Variants in CSMD1 observed in about 807,000 individuals in gnomAD.
The protein encoded by CSMD1 is CUB and Sushi multiple domains 1, also known as CUB and sushi domain-containing protein 1.
Under a neutral mutation model 417.5 loss-of-function variants are expected in CSMD1, and 213 were observed. The ratio of observed to expected loss-of-function variants is 0.51; its 90% CI spans 0.46 to 0.57. The LOEUF (loss-of-function observed/expected upper bound fraction) is 0.57. Among genes scored for constraint, CSMD1 ranks in the 20% least tolerant of loss-of-function variants. The pLI is 0.00. For synonymous variants in CSMD1, 2,862 were observed against 1,736.8 expected, an observed-to-expected ratio of 1.65 and a Z score of -16.11; for missense variants, 6,923 against 4,529.7, an observed-to-expected ratio of 1.53 and a Z score of -15.17.
At chr8:4,280,808 T>C (rs907093659) in intron 3 of CSMD1, among the ~76,000 whole-genome samples, 1 of 152,218 alleles carries the variant, frequency 6.6e-6, no homozygotes, top group African/African-American at 2.4e-5. Flanking sequence ...GTTAAAATTT[T>C]CAAAAATGTA....
chr8:3,866,833 A>C (rs1475876089), intron 5 of CSMD1, among the ~76,000 whole-genome samples: 1 of 152,156 alleles, frequency 6.6e-6, no homozygotes, highest in Admixed American at 6.5e-5. Context: ...AATCGGTATT[A>C]ATCAACTAAA....
At chr8:4,257,616 G>T (rs1020905817) in intron 3 of CSMD1, among the ~76,000 whole-genome samples, 2 of 152,144 alleles carry the variant, frequency 1.3e-5, no homozygotes, top group Non-Finnish European at 2.9e-5. Context: ...TTGGTGAAAA[G>T]TTTGTCCTAC....
intron 3 of CSMD1, among the ~76,000 whole-genome samples, chr8:4,409,137 T>C (rs375794393): frequency 3.9e-5 from 6 of 152,346 alleles, no homozygotes; most frequent in Admixed American, 6.5e-5. Flanking sequence ...ATATTTAATG[T>C]ACTATACCTG....
intron 5 of CSMD1, among the ~76,000 whole-genome samples, chr8:3,891,864 A>T (rs1437633850): frequency 2.0e-5 from 3 of 152,148 alleles, no homozygotes; most frequent in Admixed American, 6.5e-5. Context: ...TGCCCAAAAA[A>T]AGGCTAGTTA....
intron 53 of CSMD1, among the ~76,000 whole-genome samples, chr8:2,998,393 T>C (rs1807102137): frequency 6.6e-6 from 1 of 152,216 alleles, no homozygotes; most frequent in Non-Finnish European, 1.5e-5. Context: ...AATATAATTG[T>C]GGAAAATAAC....
At chr8:3,811,481 A>C (rs952698556) in intron 5 of CSMD1, among the ~76,000 whole-genome samples, 1 of 152,126 alleles carries the variant, frequency 6.6e-6, no homozygotes, top group African/African-American at 2.4e-5. Context: ...GGTTTTTCCC[A>C]ACCGAGTGCC....
At chr8:4,822,681 A>G (rs1041243461) in intron 1 of CSMD1, among the ~76,000 whole-genome samples, 1 of 152,164 alleles carries the variant, frequency 6.6e-6, no homozygotes, top group Non-Finnish European at 1.5e-5. Context: ...TTAAAATATA[A>G]TTAGCCATAT....
chr8:4,668,042 C>T (rs1354360872), intron 1 of CSMD1, among the ~76,000 whole-genome samples: 1 of 152,212 alleles, frequency 6.6e-6, no homozygotes, highest in African/African-American at 2.4e-5. Context: ...TACCTCATCT[C>T]TTATTTTGTA....
chr8:3,592,873 C>G (rs565081313), intron 8 of CSMD1, among the ~76,000 whole-genome samples: 4 of 152,038 alleles, frequency 2.6e-5, no homozygotes, highest in Non-Finnish European at 4.4e-5. Flanking sequence ...GGTAGGTTCT[C>G]CCACTTCCTG....
At chr8:4,285,751 G>C (rs1010743502) in intron 3 of CSMD1, among the ~76,000 whole-genome samples, 1 of 152,180 alleles carries the variant, frequency 6.6e-6, no homozygotes, top group Admixed American at 6.5e-5. Context: ...GAACTTCAGA[G>C]GTCAAAATAG....
chr8:4,005,844 G>A (rs1049039949), intron 4 of CSMD1, among the ~76,000 whole-genome samples: 2 of 152,206 alleles, frequency 1.3e-5, no homozygotes, highest in Non-Finnish European at 2.9e-5. Context: ...CATAAGCACT[G>A]TCTTTTAATT....
At chr8:3,631,724 C>G (rs1328736424) in intron 7 of CSMD1, among the ~76,000 whole-genome samples, 1 of 152,198 alleles carries the variant, frequency 6.6e-6, no homozygotes, top group Non-Finnish European at 1.5e-5. Flanking sequence ...TCGAGAAAAA[C>G]TCTCTGAGAA....
intron 2 of CSMD1, among the ~76,000 whole-genome samples, chr8:4,468,920 G>C (rs1377764514): frequency 6.7e-6 from 1 of 150,224 alleles, no homozygotes; most frequent in South Asian, 2.2e-4. Flanking sequence ...AGGAATGCTG[G>C]AAACAAGCTC....
chr8:3,666,629 G>C (rs1308318913), intron 7 of CSMD1, among the ~76,000 whole-genome samples: 1 of 152,132 alleles, frequency 6.6e-6, no homozygotes, highest in African/African-American at 2.4e-5. Flanking sequence ...GACCCAGAGG[G>C]AGATAATTGA....
intron 47 of CSMD1, among the ~76,000 whole-genome samples, chr8:3,092,272 A>C (rs1041960507): frequency 5.3e-5 from 8 of 152,192 alleles, no homozygotes; most frequent in Admixed American, 3.3e-4. Flanking sequence ...AACTAGATAT[A>C]CACATATCCA....
intron 3 of CSMD1, among the ~76,000 whole-genome samples, chr8:4,328,968 T>A (rs1472302208): frequency 6.6e-6 from 1 of 152,238 alleles, no homozygotes; most frequent in African/African-American, 2.4e-5. Context: ...AGAGTATCAC[T>A]CTTCTGTGAT....
intron 2 of CSMD1, among the ~76,000 whole-genome samples, chr8:4,528,756 C>A (rs1158610150): frequency 6.7e-6 from 1 of 150,346 alleles, no homozygotes; most frequent in Non-Finnish European, 1.5e-5. Flanking sequence ...GAGAATGCTG[C>A]TGAATTTTCA....
At chr8:3,638,570 G>C (rs1165657008) in intron 7 of CSMD1, among the ~76,000 whole-genome samples, 1 of 152,148 alleles carries the variant, frequency 6.6e-6, no homozygotes, top group East Asian at 1.9e-4. Flanking sequence ...GTCCCTGCCT[G>C]CAAAGTGCAA....
intron 27 of CSMD1, among the ~76,000 whole-genome samples, chr8:3,226,726 C>G (rs17079661): frequency 0.028 from 4,294 of 151,916 alleles, 202 homozygotes; most frequent in African/African-American, 0.097. Flanking sequence ...AGTGAGGTAT[C>G]CAAGCAACAC....
Sources: allele counts gnomAD v4.1 joint callset (sites outside exome capture counted in the v4.1 genomes callset), GRCh38; gene constraint gnomAD v4.1.1; transcripts MANE v1.5; gene names NCBI Gene and HGNC (gene_info 2026-07-23, HGNC 2026-07-21).